Variants in EXOC6B observed in about 807,000 individuals in gnomAD.
EXOC6B encodes the protein exocyst complex component 6B.
In EXOC6B, 54 loss-of-function variants were observed where a neutral mutation model predicts 113.5. That is an observed-to-expected ratio of 0.48 (90% CI 0.38 to 0.60). The LOEUF (loss-of-function observed/expected upper bound fraction) is 0.60. Among genes scored for constraint, EXOC6B ranks in the 20% least tolerant of loss-of-function variants. EXOC6B has a pLI of 0.00. For synonymous variants in EXOC6B, 357 were observed against 339.0 expected, an observed-to-expected ratio of 1.05 and a Z score of -0.58; for missense variants, 797 against 977.5, an observed-to-expected ratio of 0.82 and a Z score of 2.46.
chr2:72,559,693 T>C (rs1455968078), intron 7 of EXOC6B, among the ~76,000 whole-genome samples, 172 bp from the exon 8 acceptor site: 2 of 152,184 alleles, frequency 1.3e-5, no homozygotes, highest in African/African-American at 4.8e-5. Context: ...TTCTTATGTT[T>C]TAGCCATAGA....
intron 6 of EXOC6B, among the ~76,000 whole-genome samples, chr2:72,609,343 A>G (rs1030133009): frequency 5.3e-5 from 8 of 152,130 alleles, no homozygotes; most frequent in African/African-American, 1.7e-4. Flanking sequence ...AAAAGACTGG[A>G]TCAAACAAGA....
At chr2:72,785,547 C>A (rs1684327460) in intron 1 of EXOC6B, among the ~76,000 whole-genome samples, 1 of 152,258 alleles carries the variant, frequency 6.6e-6, no homozygotes. Flanking sequence ...CATCTGTGAA[C>A]CCACATGCTC....
chr2:72,563,309 T>C (rs1380563552), intron 7 of EXOC6B, among the ~76,000 whole-genome samples: 1 of 152,144 alleles, frequency 6.6e-6, no homozygotes, highest in Non-Finnish European at 1.5e-5. Context: ...TGGATCCTAC[T>C]GGCATCCACG....
chr2:72,285,437 G>A (rs1288766626), intron 20 of EXOC6B, among the ~76,000 whole-genome samples: 2 of 151,836 alleles, frequency 1.3e-5, no homozygotes, highest in South Asian at 2.1e-4. Flanking sequence ...TCACATGAAC[G>A]AAAGAAAAGA....
At chr2:72,742,075 G>A (rs1192165149) in intron 1 of EXOC6B, among the ~76,000 whole-genome samples, 1 of 152,012 alleles carries the variant, frequency 6.6e-6, no homozygotes, top group African/African-American at 2.4e-5. Flanking sequence ...AAAAAAACAG[G>A]CACAAAGAAC....
At chr2:72,234,621 C>T (rs1681840747) in intron 20 of EXOC6B, among the ~76,000 whole-genome samples, 1 of 152,010 alleles carries the variant, frequency 6.6e-6, no homozygotes, top group East Asian at 1.9e-4. Flanking sequence ...ACAGAGTAAA[C>T]AGACAACCTA....
At chr2:72,411,548 T>C (rs1033951448) in intron 18 of EXOC6B, among the ~76,000 whole-genome samples, 2 of 152,176 alleles carry the variant, frequency 1.3e-5, no homozygotes, top group Non-Finnish European at 2.9e-5. Flanking sequence ...CACGGAAGCT[T>C]GGTTTCCCCT....
At chr2:72,724,942 C>T (rs1264547893) in intron 5 of EXOC6B, among the ~76,000 whole-genome samples, 1 of 151,878 alleles carries the variant, frequency 6.6e-6, no homozygotes. Flanking sequence ...ATCAAGCTGT[C>T]CAACATAAAT....
At chr2:72,812,998 T>C (rs1240373329) in intron 1 of EXOC6B, among the ~76,000 whole-genome samples, 1 of 152,154 alleles carries the variant, frequency 6.6e-6, no homozygotes, top group Admixed American at 6.5e-5. Flanking sequence ...AAACCACATA[T>C]CCAATAGACT....
At chr2:72,546,604 A>G (rs1368964925) in intron 8 of EXOC6B, among the ~76,000 whole-genome samples, 1 of 152,212 alleles carries the variant, frequency 6.6e-6, no homozygotes, top group Non-Finnish European at 1.5e-5. Context: ...AGATCAATTA[A>G]TAACACTTCT....
At position 72,329,129 on chromosome 2, in the gene EXOC6B, C is replaced by A. The variant is rs569792814; in HGVS notation, c.2196+5818G>T. Among the ~76,000 whole-genome samples the A allele has an allele frequency of 1.1e-4, 17 of 152,212 alleles. No individual in the cohort carries two copies. The South Asian group carries it at 3.1e-3, about 28-fold the overall frequency. On this transcript the variant is annotated intron_variant, in intron 20 of 21. Transcript: ENST00000272427. ...ACTGTATTTTCTCTACCAAGAATATCTTTTCATAAAAACTTTCCCCTGCTA... is the reference window on the plus strand; with the variant it reads ...ACTGTATTTTCTCTACCAAGAATATATTTTCATAAAAACTTTCCCCTGCTA...
At position 72,480,741 on chromosome 2, in the gene EXOC6B, T is replaced by C. The variant is rs1444390922; in HGVS notation, c.1675A>G (p.Ile559Val). The change falls in exon 17 of 22, where the codon ATT (isoleucine) becomes GTT (valine). Residue 559 changes from isoleucine (I) to valine (V), a missense_variant. Physicochemically the swap from Ile to Val is conservative, Grantham distance 29. Transcript: ENST00000272427. ...TCCAAATGTGTTGTATTGATAATAA[T>C]CTGAACAAGCTAGAAAACAACAAAC... ...KNIGLTELVQ[I>V]IINTTHLEKS... 6.2e-7 allele frequency: 1 copy of C among 1,600,770 alleles called. No individual in the cohort carries two copies. Among genetic ancestry groups the C allele is most frequent in the South Asian group, 1.1e-5 (1 of 88,534 alleles).
chr2:72,526,355 A>C (rs896957282), intron 8 of EXOC6B, among the ~76,000 whole-genome samples: 6 of 152,068 alleles, frequency 3.9e-5, no homozygotes, highest in Non-Finnish European at 7.4e-5. Context: ...ATAGCTTCTA[A>C]GTGACTTCCC....
intron 20 of EXOC6B, among the ~76,000 whole-genome samples, chr2:72,227,317 G>A (rs192049095): frequency 1.4e-4 from 22 of 152,204 alleles, no homozygotes; most frequent in South Asian, 2.1e-4. Flanking sequence ...AACCGGTCCA[G>A]TAAAAACTAT....
chr2:72,441,771 C>G (rs1696214939), intron 18 of EXOC6B, among the ~76,000 whole-genome samples: 1 of 151,846 alleles, frequency 6.6e-6, no homozygotes, highest in African/African-American at 2.4e-5. Context: ...CCCCGCCCAA[C>G]AAAAAGAAAA....
At chr2:72,380,664 G>C (rs967706634) in intron 18 of EXOC6B, among the ~76,000 whole-genome samples, 3 of 151,332 alleles carry the variant, frequency 2.0e-5, no homozygotes, top group Non-Finnish European at 2.9e-5. Flanking sequence ...GGAGGGGAGG[G>C]GAAGGTTATT....
chr2:72,381,873 T>C (rs1020542300), intron 18 of EXOC6B, among the ~76,000 whole-genome samples: 1 of 152,246 alleles, frequency 6.6e-6, no homozygotes, highest in South Asian at 2.1e-4. Flanking sequence ...ATGGATTTTA[T>C]GTCTTTGATT....
At chr2:72,746,212 A>G (rs1681684694) in intron 1 of EXOC6B, among the ~76,000 whole-genome samples, 1 of 152,084 alleles carries the variant, frequency 6.6e-6, no homozygotes, top group Admixed American at 6.6e-5. Flanking sequence ...AAGACAATCT[A>G]TGGAATAAAC....
intron 6 of EXOC6B, among the ~76,000 whole-genome samples, chr2:72,594,018 T>C (rs1053903940): frequency 1.1e-4 from 17 of 152,196 alleles, no homozygotes; most frequent in Admixed American, 5.9e-4. Flanking sequence ...TTTTACTGCG[T>C]TGTCCAGGCT....
Sources: gnomAD v4.1 joint callset for allele counts (sites outside exome capture counted in the v4.1 genomes callset) on GRCh38, gnomAD v4.1.1 for gene constraint, MANE v1.5 for transcripts, NCBI Gene and HGNC (gene_info 2026-07-23, HGNC 2026-07-21) for gene names.